Variants in TNKS observed in about 807,000 individuals in gnomAD.
TNKS encodes the protein tankyrase, also known as poly [ADP-ribose] polymerase tankyrase-1.
A neutral mutation model predicts 135.8 loss-of-function variants in TNKS; 72 were observed. The observed-to-expected ratio is 0.53, with a 90% CI of 0.44 to 0.64. TNKS has a LOEUF of 0.64. TNKS is among the 30% of genes least tolerant of loss of function. The pLI is 0.00. For synonymous variants in TNKS, 849 were observed against 649.3 expected, an observed-to-expected ratio of 1.31 and a Z score of -4.68; for missense variants, 1,769 against 1,674.0, an observed-to-expected ratio of 1.06 and a Z score of -0.99.
rs191139396 is a variant in TNKS, at chr8:9,594,447, G to A, written c.898+14064G>A. On this transcript the variant is annotated intron_variant, in intron 2 of 26. Coordinates refer to ENST00000310430, the MANE Select transcript of TNKS (RefSeq NM_003747.3). ...GCCGTGTTTTAAATGCTTAATGACC[G>A]TATCTGGCTATCGGTTATCGTAATG... Among the ~76,000 whole-genome samples the A allele has an allele frequency of 2.7e-3, 412 of 152,228 alleles. 1 individual carries two copies. The highest frequency in any genetic ancestry group is 7.4e-3 in the Admixed American group (113 of 15,290).
intron 5 of TNKS, among the ~76,000 whole-genome samples, chr8:9,686,114 A>G (rs568108648): frequency 5.3e-5 from 8 of 152,182 alleles, no homozygotes; most frequent in Non-Finnish European, 1.0e-4. Flanking sequence ...CTTTGAATAA[A>G]ATAAGGCGCA....
At chr8:9,562,916 A>C (rs1435981030) in intron 1 of TNKS, among the ~76,000 whole-genome samples, 1 of 151,430 alleles carries the variant, frequency 6.6e-6, no homozygotes, top group African/African-American at 2.4e-5. Flanking sequence ...TTCTCTAGAT[A>C]GATTTTCTCA....
intron 5 of TNKS, among the ~76,000 whole-genome samples, chr8:9,686,459 G>A (rs1191546241): frequency 6.6e-6 from 1 of 152,046 alleles, no homozygotes; most frequent in East Asian, 1.9e-4. Context: ...CTGCTGTTGG[G>A]GTGGTTTGTT....
chr8:9,617,362 C>G (rs779781289), intron 3 of TNKS, among the ~76,000 whole-genome samples: 18 of 152,290 alleles, frequency 1.2e-4, no homozygotes, highest in Middle Eastern at 3.4e-3. Context: ...GGTCATAATA[C>G]TGATTTAGAG....
At chr8:9,596,898 C>G (rs1460491874) in intron 2 of TNKS, among the ~76,000 whole-genome samples, 1 of 152,220 alleles carries the variant, frequency 6.6e-6, no homozygotes, top group Non-Finnish European at 1.5e-5. Flanking sequence ...AAATGGAACT[C>G]TCACTGTCAT....
chr8:9,635,131 C>T (rs557195713), intron 3 of TNKS, among the ~76,000 whole-genome samples: 1 of 151,238 alleles, frequency 6.6e-6, no homozygotes, highest in African/African-American at 2.4e-5. Context: ...GACCGCGCCA[C>T]TGCACTCCAG....
chr8:9,571,753 C>T (rs894387225), intron 1 of TNKS, among the ~76,000 whole-genome samples: 18 of 152,124 alleles, frequency 1.2e-4, no homozygotes, highest in Admixed American at 7.9e-4. Flanking sequence ...CGTGAGCCAC[C>T]GCGCCCGGGG....
intron 3 of TNKS, among the ~76,000 whole-genome samples, chr8:9,622,368 C>T (rs531425196): frequency 6.6e-6 from 1 of 152,298 alleles, no homozygotes; most frequent in East Asian, 1.9e-4. Context: ...ATAATAATAG[C>T]TGACACCGCC....
intron 2 of TNKS, among the ~76,000 whole-genome samples, chr8:9,596,439 T>C (rs1486510632): frequency 1.3e-5 from 2 of 152,358 alleles, no homozygotes; most frequent in East Asian, 3.9e-4. Context: ...TTATAGGCTT[T>C]ACATTTGTAC....
At chr8:9,657,281 G>T (rs1458669239) in intron 3 of TNKS, among the ~76,000 whole-genome samples, 1 of 95,770 alleles carries the variant, frequency 1.0e-5, no homozygotes, top group African/African-American at 3.8e-5. Flanking sequence ...CGGACGGGGC[G>T]GCTGGCCGGG....
intron 2 of TNKS, among the ~76,000 whole-genome samples, chr8:9,598,731 G>GTGTC (rs1554444992): frequency 2.3e-5 from 3 of 128,500 alleles, no homozygotes; most frequent in African/African-American, 9.2e-5. Context: ...GTGTGTGTGT[G>GTGTC]TGTCTGTGTG....
At chr8:9,774,768 G>C (rs538012358) in intron 26 of TNKS, among the ~76,000 whole-genome samples, 4 of 152,204 alleles carry the variant, frequency 2.6e-5, no homozygotes, top group Non-Finnish European at 5.9e-5. Context: ...AGATGGACGT[G>C]TGTCAGGGAT....
At chr8:9,576,488 T>A (rs957506611) in intron 1 of TNKS, among the ~76,000 whole-genome samples, 4 of 149,620 alleles carry the variant, frequency 2.7e-5, no homozygotes, top group Non-Finnish European at 4.5e-5. Flanking sequence ...TTTTTTTTTT[T>A]GAGATGGAGT....
At chr8:9,653,709 G>A (rs1801233429) in intron 3 of TNKS, among the ~76,000 whole-genome samples, 1 of 152,016 alleles carries the variant, frequency 6.6e-6, no homozygotes, top group Admixed American at 6.6e-5. Context: ...TCATTATATT[G>A]CCAACTAAAT....
chr8:9,634,655 A>AG (rs1800435322), intron 3 of TNKS, among the ~76,000 whole-genome samples: 1 of 152,192 alleles, frequency 6.6e-6, no homozygotes, highest in Non-Finnish European at 1.5e-5. Context: ...TTTGGATTGA[A>AG]GTTGTAGGCA....
At chr8:9,741,377 CTG>C (rs1251024852) in intron 17 of TNKS, among the ~76,000 whole-genome samples, 4 of 152,294 alleles carry the variant, frequency 2.6e-5, no homozygotes, top group Admixed American at 6.5e-5. Flanking sequence ...TTATGTTACA[CTG>C]TCAACTGTGT....
intron 5 of TNKS, among the ~76,000 whole-genome samples, chr8:9,698,696 T>C (rs1803647380): frequency 6.6e-6 from 1 of 152,234 alleles, no homozygotes; most frequent in South Asian, 2.1e-4. Context: ...AAGCCACAGC[T>C]TTGCAAAAGG....
chr8:9,581,346 C>G (rs965404236), intron 2 of TNKS, among the ~76,000 whole-genome samples: 1 of 152,144 alleles, frequency 6.6e-6, no homozygotes, highest in Non-Finnish European at 1.5e-5. Flanking sequence ...TTATCCTTTG[C>G]TACTTGAGCA....
chr8:9,658,651 C>G (rs1801542083), intron 3 of TNKS, among the ~76,000 whole-genome samples: 1 of 152,210 alleles, frequency 6.6e-6, no homozygotes, highest in African/African-American at 2.4e-5. Flanking sequence ...TAAAGACCTT[C>G]AAGACTAGGA....
Sources: allele counts gnomAD v4.1 joint callset (sites outside exome capture counted in the v4.1 genomes callset), GRCh38; gene constraint gnomAD v4.1.1; transcripts MANE v1.5; gene names NCBI Gene and HGNC (gene_info 2026-07-23, HGNC 2026-07-21).